CACNA1A: variants seen among roughly 807,000 people sequenced by gnomAD.
CACNA1A encodes the protein calcium voltage-gated channel subunit alpha1 A.
CACNA1A carries 57 observed loss-of-function variants against 262.4 expected under a neutral mutation model. That is an observed-to-expected ratio of 0.22 (90% CI 0.18 to 0.27). The LOEUF is 0.27. Ranked by LOEUF, CACNA1A falls within the 10% of genes least tolerant of loss-of-function variation. The pLI is 1.00. For missense variants in CACNA1A, 2,526 were observed against 3,562.8 expected (o/e 0.71, Z 7.41); for synonymous variants, 1,431 against 1,419.3 (o/e 1.01, Z -0.18).
chr19:13,311,865 A>AAAC (rs375376393), intron 12 of CACNA1A, among the ~76,000 whole-genome samples: 4 of 150,818 alleles, frequency 2.7e-5, no homozygotes, highest in Admixed American at 6.6e-5. Flanking sequence ...CAAAAAATAA[A>AAAC]AAAAAATAAA....
chr19:13,478,110 G>A (rs1158326199), intron 1 of CACNA1A, among the ~76,000 whole-genome samples: 1 of 152,138 alleles, frequency 6.6e-6, no homozygotes, highest in African/African-American at 2.4e-5. Context: ...TGTGTGTGTT[G>A]TGTTTTATTT....
chr19:13,456,355 C>T (rs2061006451), intron 1 of CACNA1A, among the ~76,000 whole-genome samples: 1 of 152,036 alleles, frequency 6.6e-6, no homozygotes, highest in Non-Finnish European at 1.5e-5. Flanking sequence ...AATCATGTAT[C>T]TGATAAGGGT....
intron 40 of CACNA1A, chr19:13,213,961 C>T (rs2054908843): frequency 2.3e-6 from 1 of 425,816 alleles, no homozygotes. Flanking sequence ...GCTGGGACTA[C>T]AGGTGTGCAC....
chr19:13,402,300 A>T (rs1377570243), intron 3 of CACNA1A, among the ~76,000 whole-genome samples: 1 of 152,192 alleles, frequency 6.6e-6, no homozygotes. Context: ...ACAAGAAGGG[A>T]TCTGGGAGTC....
intron 4 of CACNA1A, 48 bp downstream of exon 4, chr19:13,371,640 C>A: frequency 7.1e-7 from 1 of 1,400,974 alleles, no homozygotes; most frequent in Non-Finnish European, 9.9e-7. Context: ...ACTGAGGGCT[C>A]CTGGGGCCCG....
At chr19:13,464,126 T>A (rs866210533) in intron 1 of CACNA1A, among the ~76,000 whole-genome samples, 5 of 152,206 alleles carry the variant, frequency 3.3e-5, no homozygotes, top group Middle Eastern at 6.3e-3. Context: ...CAGAGGTAGA[T>A]GCCTATCATC....
intron 3 of CACNA1A, among the ~76,000 whole-genome samples, chr19:13,390,030 G>T (rs1181973252): frequency 2.0e-5 from 3 of 151,398 alleles, no homozygotes; most frequent in African/African-American, 7.3e-5. Flanking sequence ...AGCCAGGGTG[G>T]TCTCGATCTC....
intron 1 of CACNA1A, among the ~76,000 whole-genome samples, chr19:13,458,831 G>T (rs1243885473): frequency 1.3e-5 from 2 of 152,214 alleles, no homozygotes; most frequent in African/African-American, 4.8e-5. Flanking sequence ...ACGCCAACAG[G>T]CTCTGCATAT....
Position 13,299,048 on chromosome 19 carries a change from G to A in CACNA1A, c.2585C>T (p.Ala862Val). The A allele has an allele frequency of 6.2e-7, 1 of 1,602,166 alleles. No individual in the cohort carries two copies. The highest frequency in any genetic ancestry group is 1.3e-5 in the African/African-American group (1 of 74,964). The stretch of plus-strand genomic sequence containing the variant: ...GTCCCGGGCCCGATCGTGGTAGCGG[G>A]CCTGTTTCCTGAGGAAGTCCTCGGC... ...QRAEDFLRKQ[A>V]RYHDRARDPS... is the part of the protein sequence containing the mutation. The change falls in exon 19 of 47, where the codon GCC becomes GTC. Residue 862 changes from alanine to valine, a missense_variant. This residue lies in a region of CACNA1A where 765 missense variants were observed against 748.6 expected (regional missense o/e 1.02). Coordinates refer to ENST00000360228, the MANE Select transcript of CACNA1A (RefSeq NM_001127222.2).
intron 35 of CACNA1A, among the ~76,000 whole-genome samples, chr19:13,231,402 G>C (rs760318459): frequency 6.6e-6 from 1 of 151,920 alleles, no homozygotes; most frequent in South Asian, 2.1e-4. Context: ...GGCAATGTCC[G>C]GAGACATTTT....
intron 30 of CACNA1A, chr19:13,245,526 G>C: frequency 1.9e-6 from 1 of 522,958 alleles, no homozygotes; most frequent in Non-Finnish European, 3.5e-6. Flanking sequence ...CACAGGGCTG[G>C]GGCTGCTCTT....
In CACNA1A at chr19:13,208,858, G is replaced by C; in HGVS notation, c.6678C>G (p.Asp2226Glu). 6.5e-7 allele frequency: 1 copy of C among 1,537,008 alleles called. No individual in the cohort carries two copies. Among genetic ancestry groups the C allele is most frequent in the East Asian group, 2.4e-5 (1 of 41,044 alleles). ...GGTCCGGCCGTTCCTGGGCATAGCG[G>C]TCCTTGTCGGGGGGCGGGGGATGGT... is the stretch of plus-strand genomic sequence containing the variant. ...HHHHPPPPDK[D>E]RYAQERPDHG... The change falls in exon 46 of 47, where the codon GAC becomes GAG. Residue 2226 changes from aspartate to glutamate, a missense_variant. Transcript: ENST00000360228.
chr19:13,295,097 A>C (rs977098394), intron 19 of CACNA1A, among the ~76,000 whole-genome samples: 1 of 152,222 alleles, frequency 6.6e-6, no homozygotes. Flanking sequence ...CGTATTTCTC[A>C]GAATGTCTCA....
chr19:13,454,955 G>T (rs2060980953), intron 2 of CACNA1A, among the ~76,000 whole-genome samples, 152 bp downstream of exon 2: 2 of 151,752 alleles, frequency 1.3e-5, no homozygotes, highest in Admixed American at 6.6e-5. Context: ...CGAGACTCTG[G>T]TTCAAGAAAA....
intron 36 of CACNA1A, among the ~76,000 whole-genome samples, chr19:13,228,250 C>T (rs986917494): frequency 9.3e-5 from 14 of 150,890 alleles, no homozygotes; most frequent in Non-Finnish European, 1.6e-4. Flanking sequence ...TCTGGTTTGG[C>T]TGAGGCTGGT....
intron 4 of CACNA1A, among the ~76,000 whole-genome samples, chr19:13,367,122 C>T (rs929976273): frequency 6.6e-6 from 1 of 151,796 alleles, no homozygotes; most frequent in Non-Finnish European, 1.5e-5. Context: ...GGTGAAACCC[C>T]ATCTCTACTA....
At chr19:13,335,392 T>C (rs759503468) in intron 7 of CACNA1A, among the ~76,000 whole-genome samples, 2 of 152,126 alleles carry the variant, frequency 1.3e-5, no homozygotes, top group African/African-American at 4.8e-5. Flanking sequence ...GATGGTGCCA[T>C]AGAGCCACCA....
At position 13,283,275 on chromosome 19, in the gene CACNA1A, G is replaced by T. The variant is rs372970430; in HGVS notation, c.3814C>A (p.Arg1272=). 33 of 1,613,782 alleles carry T rather than the reference G, an allele frequency of 2.0e-5. No homozygotes were observed. The highest frequency in any genetic ancestry group is 2.8e-5 in the Non-Finnish European group (33 of 1,179,814). Residue 1272 remains arginine (R), a synonymous_variant, in exon 22 of 47, where the codon CGG becomes AGG. Transcript: ENST00000360228. ...AEDPVQPNAP[R]NNVLRYFDYV... ...TGCTCTGTGGGACTCACGTTGTTCCGAGGTGCGTTGGGCTGCACAGGGTCC... is the reference window on the plus strand; with the variant it reads ...TGCTCTGTGGGACTCACGTTGTTCCTAGGTGCGTTGGGCTGCACAGGGTCC...
intron 24 of CACNA1A, among the ~76,000 whole-genome samples, chr19:13,268,578 GCCCACCA>G (rs2056927275): frequency 6.6e-6 from 1 of 151,644 alleles, no homozygotes; most frequent in Non-Finnish European, 1.5e-5. Context: ...GACTACAGGC[GCCCACCA>G]CCACGCCCAG....
Sources: allele counts gnomAD v4.1 joint callset (sites outside exome capture counted in the v4.1 genomes callset), GRCh38; gene constraint gnomAD v4.1.1; regional missense constraint gnomAD v4.1.1; transcripts MANE v1.5; gene names NCBI Gene and HGNC (gene_info 2026-07-23, HGNC 2026-07-21).